Variants in CDCP1 observed in about 807,000 individuals in gnomAD.
The protein encoded by CDCP1 is CUB domain-containing protein 1.
Under a neutral mutation model 60.2 loss-of-function variants are expected in CDCP1, and 29 were observed. The ratio of observed to expected loss-of-function variants is 0.48; its 90% CI spans 0.36 to 0.66. The LOEUF (loss-of-function observed/expected upper bound fraction) is 0.66, where lower values mean the gene tolerates loss of function less well. Among genes scored for constraint, CDCP1 ranks in the 30% least tolerant of loss-of-function variants. The pLI, the probability that CDCP1 is intolerant of heterozygous loss-of-function variation, is 0.00. For synonymous variants in CDCP1, 387 were observed against 431.1 expected (o/e 0.90, Z 1.27); for missense variants, 876 against 1,074.3 (o/e 0.82, Z 2.58).
At chr3:45,128,779 A>G in intron 1 of CDCP1, among the ~76,000 whole-genome samples, 1 of 152,166 alleles carries the variant, frequency 6.6e-6, no homozygotes, top group Admixed American at 6.5e-5. Flanking sequence ...GTGCAATGGC[A>G]CAATCTCAGC....
intron 4 of CDCP1, among the ~76,000 whole-genome samples, chr3:45,095,895 G>A (rs1039314797): frequency 1.5e-4 from 23 of 152,148 alleles, no homozygotes; most frequent in Non-Finnish European, 2.6e-4. Context: ...GGGACACGTC[G>A]GGAGAAAGTG....
At chr3:45,117,226 A>G (rs968526057) in intron 2 of CDCP1, among the ~76,000 whole-genome samples, 2 of 152,186 alleles carry the variant, frequency 1.3e-5, no homozygotes, top group African/African-American at 2.4e-5. Context: ...AAAATGATTG[A>G]GAAATTATAA....
At position 45,091,231 on chromosome 3, in the gene CDCP1, G is replaced by A; in HGVS notation, c.1935C>T (p.Pro645=). 6.2e-7 allele frequency: 1 copy of A among 1,613,898 alleles called. No individual in the cohort carries two copies. Among genetic ancestry groups the A allele is most frequent in the South Asian group, 1.1e-5 (1 of 91,062 alleles). ...GCAGGTCTAGCTGCTTGCCGCTCGT[G>A]GGGCTGCAGTTAGAGATGTTGACCC... ...SFWVNISNCS[P]TSGKQLDLLF... The change falls in exon 7 of 9, where the codon CCC becomes CCT. Residue 645 remains proline (P), a synonymous_variant. Coordinates refer to ENST00000296129, the MANE Select transcript of CDCP1 (RefSeq NM_022842.5). The surrounding 1 kb of genome is among the most constrained non-coding windows in gnomAD (Gnocchi z 4.8).
chr3:45,115,706 T>C (rs1224627806), intron 2 of CDCP1, among the ~76,000 whole-genome samples: 1 of 152,042 alleles, frequency 6.6e-6, no homozygotes, highest in Non-Finnish European at 1.5e-5. Flanking sequence ...TATTTCTTTT[T>C]TTTTTAAATT....
chr3:45,132,159 C>A (rs111709417), intron 1 of CDCP1, among the ~76,000 whole-genome samples: 1 of 151,760 alleles, frequency 6.6e-6, no homozygotes, highest in African/African-American at 2.4e-5. Context: ...TCACTTGAGC[C>A]CCGGAGGCAG....
At chr3:45,140,821 T>C (rs1699275998) in intron 1 of CDCP1, among the ~76,000 whole-genome samples, 1 of 152,242 alleles carries the variant, frequency 6.6e-6, no homozygotes, top group Admixed American at 6.5e-5. Context: ...GAAATGTGTA[T>C]ATTTACATCT....
In CDCP1 at chr3:45,112,321, C is replaced by T. The variant is rs373617893; in HGVS notation, c.417G>A (p.Leu139=). 126 of 1,614,130 alleles carry T rather than the reference C, an allele frequency of 7.8e-5. No individual in the cohort carries two copies. Among genetic ancestry groups the T allele is most frequent in the Non-Finnish European group, 9.9e-5 (117 of 1,180,062 alleles). ...GCCTCAGGCGAGGGATGGAAAACTG[C>T]AGCTCTAAACCGATGCTCTTATGAG... The part of the protein sequence containing the change: ...VKAHKSIGLE[L]QFSIPRLRQI... The change falls in exon 3 of 9, where the codon CTG becomes CTA. Residue 139 remains leucine, a synonymous_variant. Transcript: ENST00000296129.
At chr3:45,125,883 G>A (rs934763473) in intron 1 of CDCP1, among the ~76,000 whole-genome samples, 1 of 152,198 alleles carries the variant, frequency 6.6e-6, no homozygotes, top group Non-Finnish European at 1.5e-5. Context: ...CCTTCTACAT[G>A]TTGACTCATG....
intron 4 of CDCP1, among the ~76,000 whole-genome samples, chr3:45,096,479 G>A (rs940988622): frequency 9.2e-5 from 14 of 151,852 alleles, no homozygotes; most frequent in Non-Finnish European, 1.3e-4. Flanking sequence ...ACAAAAATTA[G>A]CTGGGTGTGG....
In CDCP1 at chr3:45,110,146, G is replaced by A; in HGVS notation, c.1024+327C>T. The A allele has an allele frequency of 1.8e-6, 2 of 1,095,674 alleles. 1 individual carries two copies. Among genetic ancestry groups the A allele is most frequent in the South Asian group, 4.8e-5 (2 of 41,324 alleles). The allele number at this position is 1,095,674 out of a possible 1,614,324, so 67.9% of individuals were successfully genotyped here. On this transcript the variant is annotated intron_variant, in intron 4 of 8. Transcript: ENST00000296129. Reference sequence around the variant, plus strand: ...TAAGTTCCCATCATCATCGCTGATGGTGCGGGTGACATCCTCATTCACATT... The same window carrying A: ...TAAGTTCCCATCATCATCGCTGATGATGCGGGTGACATCCTCATTCACATT...
intron 1 of CDCP1, among the ~76,000 whole-genome samples, chr3:45,135,216 T>C (rs557313726): frequency 7.9e-5 from 12 of 151,470 alleles, no homozygotes; most frequent in African/African-American, 2.9e-4. Context: ...TTCAGGGATA[T>C]GAAAAACTAA....
intron 1 of CDCP1, among the ~76,000 whole-genome samples, chr3:45,126,180 TTCTC>T (rs1339251317): frequency 6.5e-5 from 8 of 123,510 alleles, no homozygotes; most frequent in African/African-American, 2.3e-4. Flanking sequence ...CTTTCCTTCT[TTCTC>T]TCTCTCTCTC....
chr3:45,144,480 C>A (rs978913760), intron 1 of CDCP1, among the ~76,000 whole-genome samples: 1 of 152,196 alleles, frequency 6.6e-6, no homozygotes, highest in African/African-American at 2.4e-5. Flanking sequence ...TAGGTTTCTA[C>A]GTATTTATGT....
intron 1 of CDCP1, among the ~76,000 whole-genome samples, chr3:45,140,400 A>G (rs754444651): frequency 2.6e-5 from 4 of 152,196 alleles, no homozygotes; most frequent in Non-Finnish European, 5.9e-5. Context: ...TTCATTTAAA[A>G]CTTAAAGAAA....
intron 4 of CDCP1, among the ~76,000 whole-genome samples, chr3:45,104,379 G>A (rs183418489): frequency 6.6e-6 from 1 of 152,338 alleles, no homozygotes; most frequent in Admixed American, 6.5e-5. Context: ...AACCTGAGGG[G>A]TAGACACAGT....
At chr3:45,100,849 T>A (rs557965090) in intron 4 of CDCP1, among the ~76,000 whole-genome samples, 14 of 152,348 alleles carry the variant, frequency 9.2e-5, no homozygotes, top group East Asian at 3.9e-4. Flanking sequence ...TGGTATATGG[T>A]AGAGGATCAA....
intron 5 of CDCP1, among the ~76,000 whole-genome samples, chr3:45,094,732 G>A (rs1240256997): frequency 1.3e-5 from 2 of 152,138 alleles, no homozygotes; most frequent in Admixed American, 6.5e-5. Context: ...GGATGGGGAT[G>A]GGAGAGGCTG....
rs762998350 is a variant in CDCP1 at position 45,095,495 on chromosome 3, C to G, written c.1098G>C (p.Gln366His). 1.5e-5 allele frequency: 25 copies of G among 1,614,080 alleles called. No individual in the cohort carries two copies. The African/African-American group carries it at 3.1e-4, about 20-fold the overall frequency. Residue 366 changes from glutamine (Q) to histidine (H), a missense_variant, in exon 5 of 9, where the codon CAG becomes CAC. Around this residue, in one of 2 missense-constraint regions of CDCP1, gnomAD observed 726 missense variants for 935.7 expected, o/e 0.78. Coordinates refer to ENST00000296129, the MANE Select transcript of CDCP1 (RefSeq NM_022842.5). ...AACAGCCAGGGACAAACTTGCGGCTCTGTTTGACGGGCCGTGGCTCGATGG... is the reference window on the plus strand; with the variant it reads ...AACAGCCAGGGACAAACTTGCGGCTGTGTTTGACGGGCCGTGGCTCGATGG... ...SLTIEPRPVKQSRKFVPGCFV... is the reference protein window; with the variant it reads ...SLTIEPRPVKHSRKFVPGCFV...
intron 4 of CDCP1, among the ~76,000 whole-genome samples, chr3:45,102,763 C>A (rs752781327): frequency 6.6e-6 from 1 of 152,114 alleles, no homozygotes; most frequent in African/African-American, 2.4e-5. Flanking sequence ...TGGCCTCAAG[C>A]GATTCTCCCA....
Sources: allele counts gnomAD v4.1 joint callset (sites outside exome capture counted in the v4.1 genomes callset), GRCh38; gene constraint gnomAD v4.1.1; regional missense constraint gnomAD v4.1.1; non-coding constraint Gnocchi (gnomAD v3.1); transcripts MANE v1.5; gene names NCBI Gene and HGNC (gene_info 2026-07-23, HGNC 2026-07-21).